CCDC158: variants seen among roughly 807,000 people sequenced by gnomAD.
CCDC158 encodes the protein coiled-coil domain containing 158, also known as coiled-coil domain-containing protein 158.
A neutral mutation model predicts 138.6 loss-of-function variants in CCDC158; 116 were observed. That is an observed-to-expected ratio of 0.84 (90% CI 0.72 to 0.98). CCDC158 has a LOEUF of 0.98. CCDC158 is among the 50% of genes least tolerant of loss of function. CCDC158 has a pLI of 0.00. For synonymous variants in CCDC158, 436 were observed against 442.4 expected, an observed-to-expected ratio of 0.99 and a Z score of 0.18; for missense variants, 1,265 against 1,306.1, an observed-to-expected ratio of 0.97 and a Z score of 0.48.
chr4:76,321,776 AATAAATATAT>A (rs1720037521), intron 24 of CCDC158, among the ~76,000 whole-genome samples: 1 of 146,142 alleles, frequency 6.8e-6, no homozygotes, highest in South Asian at 2.1e-4. Flanking sequence ...ATATATATAT[AATAAATATAT>A]ATATGTATAT....
At chr4:76,336,305 T>C (rs929050869) in intron 18 of CCDC158, among the ~76,000 whole-genome samples, 2 of 152,004 alleles carry the variant, frequency 1.3e-5, no homozygotes, top group Non-Finnish European at 1.5e-5. Flanking sequence ...CAAACTTCTA[T>C]GTGTGTTGCT....
intron 4 of CCDC158, among the ~76,000 whole-genome samples, chr4:76,395,605 G>A (rs1350297517): frequency 6.6e-6 from 1 of 152,140 alleles, no homozygotes; most frequent in Non-Finnish European, 1.5e-5. Flanking sequence ...TGCAGGTCTG[G>A]AATAGCGCAG....
intron 24 of CCDC158, 121 bp downstream of exon 24, chr4:76,323,181 T>C (rs531000019): frequency 1.5e-5 from 10 of 668,528 alleles, no homozygotes; most frequent in Non-Finnish European, 2.3e-5. Flanking sequence ...ATATTTAGAC[T>C]TCAGTTTACA....
intron 18 of CCDC158, among the ~76,000 whole-genome samples, chr4:76,337,734 A>AG (rs1271501145): frequency 3.9e-5 from 6 of 152,036 alleles, no homozygotes; most frequent in Non-Finnish European, 8.8e-5. Flanking sequence ...CTCCATCTCA[A>AG]GAAAAAAAAA....
intron 2 of CCDC158, chr4:76,407,137 T>G (rs1253352287): frequency 6.6e-6 from 1 of 152,108 alleles, no homozygotes; most frequent in Non-Finnish European, 1.5e-5. Context: ...TAATTCATGA[T>G]TGTAAGCATA....
chr4:76,398,030 T>C (rs780673507), intron 3 of CCDC158, among the ~76,000 whole-genome samples: 1 of 152,168 alleles, frequency 6.6e-6, no homozygotes, highest in Non-Finnish European at 1.5e-5. Flanking sequence ...TCAAATTTCA[T>C]ACAACTGAGA....
chr4:76,410,167 A>G (rs560710579), intron 2 of CCDC158, among the ~76,000 whole-genome samples: 16 of 152,008 alleles, frequency 1.1e-4, no homozygotes, highest in Admixed American at 9.8e-4. Context: ...CTATCATAGA[A>G]TGAATAACTG....
intron 3 of CCDC158, 106 bp downstream of exon 3, chr4:76,403,032 C>A: frequency 1.3e-6 from 1 of 742,716 alleles, no homozygotes; most frequent in South Asian, 1.6e-5. Flanking sequence ...TGATCATGGT[C>A]TGTAACCCAC....
In CCDC158 at chr4:76,367,789, GA is replaced by G; in HGVS notation, c.1348-14del. ...GAATTGCTGCCATCTGATTGTTAAA[GA>G]AAAGAGAATTTCATAGATTTGGGAG... is the stretch of plus-strand genomic sequence containing the variant. On this transcript the variant is annotated splice_polypyrimidine_tract_variant and intron_variant, in intron 11 of 24. Coordinates refer to ENST00000682701, the MANE Select transcript of CCDC158 (RefSeq NM_001394954.1). 3 of 1,585,552 alleles carry G rather than the reference GA, an allele frequency of 1.9e-6. No individual in the cohort carries two copies. Among genetic ancestry groups the G allele is most frequent in the Non-Finnish European group, 1.7e-6 (2 of 1,167,490 alleles).
chr4:76,318,997 G>C (rs1412108465), intron 24 of CCDC158, among the ~76,000 whole-genome samples: 1 of 152,142 alleles, frequency 6.6e-6, no homozygotes, highest in African/African-American at 2.4e-5. Context: ...GAGTGGCCAG[G>C]CGCGGTGGCT....
chr4:76,353,010 A>G, intron 16 of CCDC158, 113 bp downstream of exon 16: 2 of 820,320 alleles, frequency 2.4e-6, no homozygotes, highest in South Asian at 4.1e-5. Context: ...TTGGGATACA[A>G]CACAAATTGA....
intron 12 of CCDC158, among the ~76,000 whole-genome samples, chr4:76,363,170 G>A (rs1001132493): frequency 1.3e-5 from 2 of 152,300 alleles, no homozygotes; most frequent in South Asian, 4.1e-4. Flanking sequence ...ATACCTGCCA[G>A]GTAGAGGGGC....
chr4:76,397,330 G>T (rs879598915), intron 3 of CCDC158, among the ~76,000 whole-genome samples: 1 of 152,058 alleles, frequency 6.6e-6, no homozygotes, highest in Non-Finnish European at 1.5e-5. Context: ...ACTCTATTTA[G>T]AGCACACAGT....
intron 14 of CCDC158, 117 bp from the exon 15 acceptor site, chr4:76,355,553 C>A (rs1723466948): frequency 1.4e-6 from 1 of 731,070 alleles, no homozygotes; most frequent in Non-Finnish European, 2.4e-6. Flanking sequence ...GGTATCTGGG[C>A]AGTTTCAAGG....
chr4:76,337,299 AG>A (rs576690239), intron 18 of CCDC158, among the ~76,000 whole-genome samples: 10 of 152,192 alleles, frequency 6.6e-5, no homozygotes, highest in Non-Finnish European at 1.3e-4. Context: ...AATTTTATTT[AG>A]TCAAAATTAT....
chr4:76,421,035 C>T lies in CCDC158; in HGVS notation c.-187G>A, dbSNP rs1403996923. Among the ~76,000 whole-genome samples the T allele has an allele frequency of 1.3e-5, 2 of 152,058 alleles. No homozygotes were observed. The highest frequency in any genetic ancestry group is 2.9e-5 in the Non-Finnish European group (2 of 67,994). The stretch of plus-strand genomic sequence containing the variant: ...GGCGCCGGCGGGCGCAGCGGCCCCA[C>T]CTACGTCGACCTGGCGGCTGGGACG... On this transcript the variant is annotated 5_prime_UTR_variant, in exon 1 of 25. In the 5' UTR this introduces an upstream ATG that the reference lacks. Transcript: ENST00000682701.
chr4:76,363,506 G>A (rs1190557241), intron 12 of CCDC158, among the ~76,000 whole-genome samples: 1 of 152,092 alleles, frequency 6.6e-6, no homozygotes, highest in Admixed American at 6.5e-5. Flanking sequence ...TCGGTCTTGG[G>A]GACCCTGCCA....
chr4:76,361,095 T>C (rs1724086203), intron 13 of CCDC158, among the ~76,000 whole-genome samples: 1 of 152,180 alleles, frequency 6.6e-6, no homozygotes, highest in Non-Finnish European at 1.5e-5. Flanking sequence ...TCAAAGTGTG[T>C]AGCACCTCCC....
intron 4 of CCDC158, among the ~76,000 whole-genome samples, chr4:76,392,151 C>G (rs1442014452): frequency 6.6e-6 from 1 of 151,840 alleles, no homozygotes; most frequent in Non-Finnish European, 1.5e-5. Context: ...ATACCAAAAC[C>G]AGACAAAGAC....
Sources: allele counts gnomAD v4.1 joint callset (sites outside exome capture counted in the v4.1 genomes callset), GRCh38; gene constraint gnomAD v4.1.1; transcripts MANE v1.5; gene names NCBI Gene and HGNC (gene_info 2026-07-23, HGNC 2026-07-21).